The following LCORL variants were observed in gnomAD, a reference collection of about 807,000 sequenced individuals.
The protein encoded by LCORL is ligand-dependent nuclear receptor corepressor-like protein.
LCORL carries 41 observed loss-of-function variants against 141.8 expected under a neutral mutation model. The ratio of observed to expected loss-of-function variants is 0.29; its 90% CI spans 0.23 to 0.38. The LOEUF is 0.38. LCORL is among the 10% of genes least tolerant of loss of function. The pLI, the probability that LCORL is intolerant of heterozygous loss-of-function variation, is 1.00. For missense variants in LCORL, 1,759 were observed against 2,035.0 expected, an observed-to-expected ratio of 0.86 and a Z score of 2.61; for synonymous variants, 618 against 694.1, an observed-to-expected ratio of 0.89 and a Z score of 1.72.
intron 4 of LCORL, among the ~76,000 whole-genome samples, chr4:17,917,524 T>C (rs1380300054): frequency 6.6e-6 from 1 of 152,240 alleles, no homozygotes; most frequent in African/African-American, 2.4e-5. Context: ...CAAGAGCAGC[T>C]TAATGCAGAC....
chr4:17,884,104 A>G lies in LCORL; in HGVS notation c.776+1964T>C. On this transcript the variant is annotated intron_variant, in intron 6 of 7. Transcript: ENST00000635767. This position sits in a 1 kb window ranked among gnomAD's most constrained non-coding sequence, Gnocchi z 4.4. ...GGTCCCCATGTAGAAAGTAAGAGTC[A>G]ACACTTGAGTGAGTTACAGGCCCAG... 1.3e-6 allele frequency: 2 copies of G among 1,550,768 alleles called. No homozygotes were observed. The highest frequency in any genetic ancestry group is 1.7e-6 in the Non-Finnish European group (2 of 1,146,366).
chr4:17,880,745 A>G, intron 6 of LCORL: 1 of 966,686 alleles, frequency 1.0e-6, no homozygotes, highest in Non-Finnish European at 1.2e-6. Context: ...ATTAAAATTC[A>G]TACAATCAGA....
chr4:17,961,476 T>C (rs969486274), intron 4 of LCORL, among the ~76,000 whole-genome samples: 3 of 152,068 alleles, frequency 2.0e-5, no homozygotes, highest in East Asian at 1.9e-4. Flanking sequence ...TCAGCAAATA[T>C]ACTCCAACCA....
intron 2 of LCORL, among the ~76,000 whole-genome samples, chr4:17,970,549 T>G (rs1025165285): frequency 2.0e-5 from 3 of 152,086 alleles, no homozygotes; most frequent in Admixed American, 2.0e-4. Context: ...AAATAGAACA[T>G]AACAGCTGCA....
At chr4:17,852,432 T>G (rs6842303) in intron 7 of LCORL, among the ~76,000 whole-genome samples, 111,375 of 151,964 alleles carry the variant, frequency 0.73, 41,068 homozygotes, top group South Asian at 0.85. Flanking sequence ...ATCTTACAGA[T>G]TTGTTGTGAC....
intron 1 of LCORL, among the ~76,000 whole-genome samples, chr4:17,997,225 T>C (rs1721050708): frequency 6.6e-6 from 1 of 152,214 alleles, no homozygotes; most frequent in Admixed American, 6.5e-5. Context: ...GTCTAAATGA[T>C]GTCTCAACGC....
rs189277484 is a variant in LCORL, at chr4:17,906,793, T to C, written c.682+2301A>G. Among the ~76,000 whole-genome samples the C allele has an allele frequency of 4.1e-4, 62 of 151,986 alleles. No individual in the cohort carries two copies. The Middle Eastern group carries it at 0.014, about 33-fold the overall frequency. On this transcript the variant is annotated intron_variant, in intron 5 of 7. Coordinates refer to ENST00000635767, the Ensembl canonical transcript of LCORL. Reference sequence around the variant, plus strand: ...CCTCTGCCTCCCGGGTTCAAGCAATTCTCCTGCCTCAGCCTCCCAAATAGC... The same window carrying C: ...CCTCTGCCTCCCGGGTTCAAGCAATCCTCCTGCCTCAGCCTCCCAAATAGC...
intron 5 of LCORL, among the ~76,000 whole-genome samples, chr4:17,888,178 T>C (rs2109234726): frequency 6.6e-6 from 1 of 152,198 alleles, no homozygotes; most frequent in East Asian, 1.9e-4. Flanking sequence ...ACAATAAGTA[T>C]TCAATAAATG....
At chr4:17,883,140 C>T in intron 6 of LCORL, 1 of 980,196 alleles carries the variant, frequency 1.0e-6, no homozygotes, top group Non-Finnish European at 1.2e-6. Context: ...CTTTTCTATT[C>T]CTGGTGGATG....
At chr4:17,984,588 T>C (rs1376573571) in intron 1 of LCORL, among the ~76,000 whole-genome samples, 5 of 152,132 alleles carry the variant, frequency 3.3e-5, no homozygotes, top group African/African-American at 7.2e-5. Context: ...CTGATGGTTA[T>C]TTGTATTTCC....
rs191892441 is a variant in LCORL, at chr4:17,852,224, T to C, written c.5603-6323A>G. Among the ~76,000 whole-genome samples, 258 of 152,274 alleles carry C rather than the reference T, an allele frequency of 1.7e-3. 2 individuals carry two copies. Among genetic ancestry groups the C allele is most frequent in the Non-Finnish European group, 2.8e-3 (193 of 68,018 alleles). On this transcript the variant is annotated intron_variant, in intron 7 of 7. Transcript: ENST00000635767. The stretch of plus-strand genomic sequence containing the variant: ...TCATCTGAGAAAGTGACTTTATATA[T>C]CTATATCCTGGATTCTAATGAAAGC...
At chr4:17,977,408 A>G (rs1717180923) in intron 1 of LCORL, among the ~76,000 whole-genome samples, 2 of 152,142 alleles carry the variant, frequency 1.3e-5, no homozygotes, top group Non-Finnish European at 2.9e-5. Flanking sequence ...CCCAATCACC[A>G]CTTGGTTAGT....
At chr4:17,849,935 A>G (rs1465665288) in intron 7 of LCORL, among the ~76,000 whole-genome samples, 1 of 151,782 alleles carries the variant, frequency 6.6e-6, no homozygotes, top group Admixed American at 6.6e-5. Context: ...AAACAGAGAT[A>G]TAGATCAATG....
intron 7 of LCORL, among the ~76,000 whole-genome samples, chr4:17,865,245 C>T (rs977611898): frequency 6.6e-6 from 1 of 152,096 alleles, no homozygotes; most frequent in African/African-American, 2.4e-5. Flanking sequence ...CATAGATTCT[C>T]GGCCATATAA....
chr4:17,883,654 GCACATACACACACACGCAAACACACA>G (rs1727879220), intron 6 of LCORL: 8 of 1,442,970 alleles, frequency 5.5e-6, no homozygotes, highest in Non-Finnish European at 7.3e-6. Context: ...ACACACCTGT[GCACATACACACACACGCAAACACACA>G]CACACACACA....
chr4:18,019,159 T>C (rs1370456767), intron 1 of LCORL, among the ~76,000 whole-genome samples: 1 of 152,210 alleles, frequency 6.6e-6, no homozygotes, highest in Admixed American at 6.5e-5. Flanking sequence ...GCCAACATGG[T>C]GAAACCTAGT....
At chr4:17,877,497 G>A in exon 7 of LCORL, 2 of 1,229,874 alleles carry the variant, frequency 1.6e-6, no homozygotes, top group Non-Finnish European at 2.0e-6. Flanking sequence ...GGATTTTTTA[G>A]TTTTAAGTAT....
intron 5 of LCORL, among the ~76,000 whole-genome samples, chr4:17,896,846 T>C (rs1391619052): frequency 2.0e-5 from 3 of 152,108 alleles, no homozygotes; most frequent in Non-Finnish European, 2.9e-5. Context: ...ACCCATTAAC[T>C]ATCCCCACTT....
chr4:17,886,498 C>T (rs954648151), intron 5 of LCORL, among the ~76,000 whole-genome samples: 1 of 151,970 alleles, frequency 6.6e-6, no homozygotes, highest in Admixed American at 6.6e-5. Flanking sequence ...CCATTCAAAG[C>T]TGCCCAGATA....
Sources: gnomAD v4.1 joint callset for allele counts (sites outside exome capture counted in the v4.1 genomes callset) on GRCh38, gnomAD v4.1.1 for gene constraint, Gnocchi (gnomAD v3.1) non-coding constraint, MANE v1.5 for transcripts, NCBI Gene and HGNC (gene_info 2026-07-23, HGNC 2026-07-21) for gene names.